TLL1: variants seen among roughly 807,000 people sequenced by gnomAD.
TLL1 encodes the protein tolloid like 1.
A neutral mutation model predicts 128.2 loss-of-function variants in TLL1; 49 were observed. The observed-to-expected ratio is 0.38, with a 90% CI of 0.30 to 0.48. The LOEUF is 0.48. TLL1 is among the 20% of genes least tolerant of loss of function. The pLI is 0.96. For synonymous variants in TLL1, 454 were observed against 418.8 expected, an observed-to-expected ratio of 1.08 and a Z score of -1.03; for missense variants, 1,123 against 1,242.0, an observed-to-expected ratio of 0.90 and a Z score of 1.44.
chr4:165,997,795 TA>T (rs1159759592), intron 5 of TLL1, among the ~76,000 whole-genome samples: 4 of 152,332 alleles, frequency 2.6e-5, no homozygotes, highest in African/African-American at 9.6e-5. Context: ...TAAATTGTAT[TA>T]TAAGTACAGT....
intron 1 of TLL1, among the ~76,000 whole-genome samples, chr4:165,935,803 T>C (rs1733735288): frequency 6.6e-6 from 1 of 152,216 alleles, no homozygotes. Flanking sequence ...TTCCTTATAA[T>C]CTATCTGAGG....
At chr4:166,057,068 G>C (rs41280517) in intron 13 of TLL1, 116 bp from the exon 14 acceptor site, 82,134 of 1,234,108 alleles carry the variant, frequency 0.067, 3,359 homozygotes, top group East Asian at 0.11. Context: ...TGACACGTGA[G>C]AATTTTGGGA....
intron 1 of TLL1, among the ~76,000 whole-genome samples, chr4:165,934,611 AAAGAG>A (rs1357330738): frequency 6.6e-6 from 1 of 152,166 alleles, no homozygotes; most frequent in Non-Finnish European, 1.5e-5. Flanking sequence ...AGATTCACTT[AAAGAG>A]AAAAGGGCAG....
intron 8 of TLL1, among the ~76,000 whole-genome samples, chr4:166,019,766 C>T (rs1444696520): frequency 6.6e-6 from 1 of 152,018 alleles, no homozygotes; most frequent in Non-Finnish European, 1.5e-5. Context: ...AAAATGTATA[C>T]ATTTTAATTT....
intron 1 of TLL1, among the ~76,000 whole-genome samples, chr4:165,937,216 T>C (rs962343983): frequency 6.6e-6 from 1 of 152,172 alleles, no homozygotes; most frequent in Non-Finnish European, 1.5e-5. Flanking sequence ...CTGGAAGAAC[T>C]AGGACACATC....
chr4:165,961,904 A>C (rs1322608686), intron 1 of TLL1, among the ~76,000 whole-genome samples: 1 of 152,130 alleles, frequency 6.6e-6, no homozygotes, highest in African/African-American at 2.4e-5. Flanking sequence ...CTTTTGATAT[A>C]ATCCTGCCTC....
chr4:165,993,348 C>G (rs1273473277), intron 3 of TLL1, among the ~76,000 whole-genome samples: 1 of 151,874 alleles, frequency 6.6e-6, no homozygotes, highest in African/African-American at 2.4e-5. Context: ...TATAAACATT[C>G]AGAACTAATT....
At chr4:165,925,398 A>C (rs905443263) in intron 1 of TLL1, among the ~76,000 whole-genome samples, 2 of 152,200 alleles carry the variant, frequency 1.3e-5, no homozygotes, top group Admixed American at 1.3e-4. Context: ...CAGGATTTTT[A>C]GTGGAGGAAG....
Position 166,014,911 on chromosome 4 carries a change from A to T in TLL1, c.1042+351A>T, listed in dbSNP as rs548962468. On this transcript the variant is annotated intron_variant, in intron 8 of 20. Transcript: ENST00000061240. ...AAGTTTCCTTTCTGACATAAAAAGA[A>T]TATCCTTTATTTGAACTTCAGAATT... Among the ~76,000 whole-genome samples, 8 of 152,150 alleles carry T rather than the reference A, an allele frequency of 5.3e-5. No individual in the cohort carries two copies. In the South Asian group the frequency reaches 1.7e-3, roughly 32 times the overall value.
rs1362111228 is a variant in TLL1, at chr4:165,873,380, G to C, written c.-525G>C. On this transcript the variant is annotated 5_prime_UTR_variant, in exon 1 of 21. Transcript: ENST00000061240. Reference sequence around the variant, plus strand: ...CGGTCTCCCCTTTCAATTCAGATGTGCTGATGTGCAGACCGGATTCATCTT... The same window carrying C: ...CGGTCTCCCCTTTCAATTCAGATGTCCTGATGTGCAGACCGGATTCATCTT... 1 of 153,238 alleles carries C rather than the reference G, an allele frequency of 6.5e-6. No individual in the cohort carries two copies. The highest frequency in any genetic ancestry group is 1.5e-5 in the Non-Finnish European group (1 of 68,934). The allele number at this position is 153,238 out of a possible 1,614,324, so 9.5% of individuals were successfully genotyped here.
At chr4:166,058,672 T>A (rs1560842120) in intron 14 of TLL1, among the ~76,000 whole-genome samples, 1 of 152,162 alleles carries the variant, frequency 6.6e-6, no homozygotes. Flanking sequence ...CTGTTCCTCC[T>A]TTATTCCTCT....
At chr4:165,996,459 A>ATTAGCCAGG (rs2111021680) in intron 5 of TLL1, among the ~76,000 whole-genome samples, 1 of 152,220 alleles carries the variant, frequency 6.6e-6, no homozygotes, top group South Asian at 2.1e-4. Context: ...AAATACAAAA[A>ATTAGCCAGG]TTAGCCAGGT....
chr4:165,986,853 G>A (rs547001711), intron 1 of TLL1, among the ~76,000 whole-genome samples: 1 of 152,016 alleles, frequency 6.6e-6, no homozygotes, highest in East Asian at 1.9e-4. Flanking sequence ...TTTATTTTAT[G>A]TGTACTGCTT....
intron 15 of TLL1, among the ~76,000 whole-genome samples, chr4:166,063,299 T>C (rs1740422513): frequency 6.6e-6 from 1 of 152,126 alleles, no homozygotes; most frequent in African/African-American, 2.4e-5. Flanking sequence ...AGATACCATC[T>C]CACACCAGTT....
chr4:166,008,165 A>C, intron 7 of TLL1, 117 bp downstream of exon 7: 2 of 672,724 alleles, frequency 3.0e-6, no homozygotes, highest in Non-Finnish European at 5.2e-6. Flanking sequence ...ACCTCACTGC[A>C]GAAAGTAGAA....
chr4:165,929,684 C>T (rs1049877831), intron 1 of TLL1, among the ~76,000 whole-genome samples: 3 of 152,146 alleles, frequency 2.0e-5, no homozygotes, highest in African/African-American at 7.2e-5. Flanking sequence ...TAGTAGATAT[C>T]ACTGTGACTT....
chr4:165,943,833 C>G lies in TLL1; in HGVS notation c.170-45548C>G, dbSNP rs150256361. On this transcript the variant is annotated intron_variant, in intron 1 of 20. Transcript: ENST00000061240. Reference sequence around the variant, plus strand: ...CATTTATAGTTAGGATATTTTATTGCAGCTACATGTGCACAGTGTATATTG... The same window carrying G: ...CATTTATAGTTAGGATATTTTATTGGAGCTACATGTGCACAGTGTATATTG... Among the ~76,000 whole-genome samples, 312 of 152,186 alleles carry G rather than the reference C, an allele frequency of 2.1e-3. 2 individuals carry two copies. Among genetic ancestry groups the G allele is most frequent in the African/African-American group, 7.4e-3 (307 of 41,544 alleles).
chr4:165,972,646 A>G (rs1347683017), intron 1 of TLL1, among the ~76,000 whole-genome samples: 1 of 152,032 alleles, frequency 6.6e-6, no homozygotes, highest in African/African-American at 2.4e-5. Context: ...CTATCTCATA[A>G]CTCTCTAAGG....
At chr4:165,971,717 C>T (rs967065768) in intron 1 of TLL1, among the ~76,000 whole-genome samples, 1 of 152,082 alleles carries the variant, frequency 6.6e-6, no homozygotes, top group Non-Finnish European at 1.5e-5. Flanking sequence ...GTACACTCAG[C>T]CTTTTAAAAT....
Sources: gnomAD v4.1 joint callset for allele counts (sites outside exome capture counted in the v4.1 genomes callset) on GRCh38, gnomAD v4.1.1 for gene constraint, MANE v1.5 for transcripts, NCBI Gene and HGNC (gene_info 2026-07-23, HGNC 2026-07-21) for gene names.